Variants in FLRT2 observed in about 807,000 individuals in gnomAD.
FLRT2 encodes leucine-rich repeat transmembrane protein FLRT2.
A neutral mutation model predicts 40.0 loss-of-function variants in FLRT2; 15 were observed. The ratio of observed to expected loss-of-function variants is 0.38; its 90% CI spans 0.25 to 0.58. The LOEUF (loss-of-function observed/expected upper bound fraction) is 0.58, where lower values mean the gene tolerates loss of function less well. Among genes scored for constraint, FLRT2 ranks in the 20% least tolerant of loss-of-function variants. FLRT2 has a pLI of 0.71. For missense variants in FLRT2, 726 were observed against 840.0 expected (o/e 0.86, Z 1.68); for synonymous variants, 380 against 336.8 (o/e 1.13, Z -1.41).
At chr14:85,563,991 G>A (rs1890497064) in intron 1 of FLRT2, among the ~76,000 whole-genome samples, 1 of 152,122 alleles carries the variant, frequency 6.6e-6, no homozygotes, top group Non-Finnish European at 1.5e-5. Context: ...GTGTGAAAGG[G>A]CCCCTACATT....
Position 85,650,649 on chromosome 14 carries a change from T to C in FLRT2, c.*27152T>C, listed in dbSNP as rs921467100. 5.9e-5 allele frequency: 9 copies of C among 152,138 alleles called. No individual in the cohort carries two copies. Among genetic ancestry groups the C allele is most frequent in the African/African-American group, 2.2e-4 (9 of 41,454 alleles). 9.4% of individuals were successfully genotyped at this position (152,138 alleles called of 1,614,324 possible). A position where few individuals can be genotyped will look rare whatever the true frequency, so the allele number is the denominator to read the frequency against. On this transcript the variant is annotated 3_prime_UTR_variant, in exon 2 of 2. Coordinates refer to ENST00000330753, the MANE Select transcript of FLRT2 (RefSeq NM_013231.6). ...CTATTGCAAAACATTTAAGTATTTA[T>C]GTTTGTGATAAAAATGGAGTCTTAT...
rs1893937856 is a variant in FLRT2 at position 85,633,742 on chromosome 14, T to C, written c.*10245T>C. 6.6e-6 allele frequency: 1 copy of C among 151,456 alleles called. No individual in the cohort carries two copies. The highest frequency in any genetic ancestry group is 2.4e-5 in the African/African-American group (1 of 41,196). 9.4% of individuals were successfully genotyped at this position (151,456 alleles called of 1,614,324 possible). A position where few individuals can be genotyped will look rare whatever the true frequency, so the allele number is the denominator to read the frequency against. ...TTGAGCCCAGGAGATCAAGATTACATTGAGCTCTGATTGTGCCACTGCACT... is the reference window on the plus strand; with the variant it reads ...TTGAGCCCAGGAGATCAAGATTACACTGAGCTCTGATTGTGCCACTGCACT... On this transcript the variant is annotated 3_prime_UTR_variant, in exon 2 of 2. Coordinates refer to ENST00000330753, the MANE Select transcript of FLRT2 (RefSeq NM_013231.6).
rs79813376 is a variant in FLRT2 at position 85,541,682 on chromosome 14, G to A, written c.-377+11148G>A. Among the ~76,000 whole-genome samples the A allele has an allele frequency of 3.1e-3, 475 of 152,280 alleles. 7 individuals carry two copies. The East Asian group carries it at 0.05, about 16-fold the overall frequency. ...GTCCTTCTGTCTCCAAAATGATAAT[G>A]ATTTCATTGTCTTACCATTACCTTC... On this transcript the variant is annotated intron_variant, in intron 1 of 1. Transcript: ENST00000330753.
Position 85,622,237 on chromosome 14 carries a change from G to A in FLRT2, c.723G>A (p.Ser241=), listed in dbSNP as rs145351543. The A allele has an allele frequency of 1.3e-3, 2,092 of 1,614,040 alleles. 2 individuals carry two copies. The highest frequency in any genetic ancestry group is 1.6e-3 in the Non-Finnish European group (1,947 of 1,180,010). The change falls in exon 2 of 2, where the codon TCG becomes TCA. Residue 241 remains serine, a synonymous_variant. Transcript: ENST00000330753. ...KLKEFSIVRN[S]LSHPPPDLPG... The stretch of plus-strand genomic sequence containing the variant: ...AGGAATTTTCAATTGTACGTAATTC[G>A]CTGTCCCACCCTCCTCCCGATCTCC...
At chr14:85,590,877 C>T (rs1043410449) in intron 1 of FLRT2, among the ~76,000 whole-genome samples, 1 of 152,140 alleles carries the variant, frequency 6.6e-6, no homozygotes, top group African/African-American at 2.4e-5. Context: ...GGATTACAGG[C>T]TTGAGCCATA....
intron 1 of FLRT2, among the ~76,000 whole-genome samples, chr14:85,600,617 A>C (rs182665458): frequency 9.5e-4 from 145 of 152,312 alleles, no homozygotes; most frequent in African/African-American, 3.2e-3. Context: ...AAATTGAAAG[A>C]GACCATTAGA....
intron 1 of FLRT2, among the ~76,000 whole-genome samples, chr14:85,533,277 T>G (rs1888402914): frequency 7.1e-6 from 1 of 140,276 alleles, no homozygotes; most frequent in African/African-American, 2.5e-5. Context: ...TGTAAACATA[T>G]CCGGGGGTGT....
intron 1 of FLRT2, among the ~76,000 whole-genome samples, chr14:85,556,466 G>T (rs1046409797): frequency 2.0e-5 from 3 of 152,198 alleles, no homozygotes; most frequent in Admixed American, 2.0e-4. Flanking sequence ...ACATGTTTCT[G>T]GGAGAGAAGC....
chr14:85,636,722 A>T lies in FLRT2; in HGVS notation c.*13225A>T, dbSNP rs562369620. 3.3e-5 allele frequency: 5 copies of T among 152,074 alleles called. No homozygotes were observed. The East Asian group carries it at 9.7e-4, about 29-fold the overall frequency. The allele number at this position is 152,074 out of a possible 1,614,324, so 9.4% of individuals were successfully genotyped here. A position where few individuals can be genotyped will look rare whatever the true frequency, so the allele number is the denominator to read the frequency against. On this transcript the variant is annotated 3_prime_UTR_variant, in exon 2 of 2. Coordinates refer to ENST00000330753, the MANE Select transcript of FLRT2 (RefSeq NM_013231.6). ...GGTGAATTATTTATTTGAGGTCAGG[A>T]GTTTGAGACTAGCTTGGCCAACATG...
At chr14:85,600,424 G>C (rs1892333900) in intron 1 of FLRT2, among the ~76,000 whole-genome samples, 1 of 152,256 alleles carries the variant, frequency 6.6e-6, no homozygotes, top group South Asian at 2.1e-4. Flanking sequence ...GTGTACTGAG[G>C]AAGAGGTGCT....
In FLRT2 at chr14:85,624,377, A is replaced by C. The variant is rs1420039550; in HGVS notation, c.*880A>C. ...ATACTTTTTTAGAAGAGGCTAATAAAGGGAAGAATTATATTGAATGGAATT... is the reference window on the plus strand; with the variant it reads ...ATACTTTTTTAGAAGAGGCTAATAACGGGAAGAATTATATTGAATGGAATT... On this transcript the variant is annotated 3_prime_UTR_variant, in exon 2 of 2. Coordinates refer to ENST00000330753, the MANE Select transcript of FLRT2 (RefSeq NM_013231.6). The C allele has an allele frequency of 6.0e-6, 1 of 167,078 alleles. No individual in the cohort carries two copies. The highest frequency in any genetic ancestry group is 2.4e-5 in the African/African-American group (1 of 41,468). The allele number at this position is 167,078 out of a possible 1,614,324, so 10.3% of individuals were successfully genotyped here.
chr14:85,628,936 G>A lies in FLRT2; in HGVS notation c.*5439G>A, dbSNP rs1688525398. ...TCCAAACACTAGGCTGAGTTCAGAG[G>A]CCTCACAGAATAGTGAAATGCGTTC... On this transcript the variant is annotated 3_prime_UTR_variant, in exon 2 of 2. Coordinates refer to ENST00000330753, the MANE Select transcript of FLRT2 (RefSeq NM_013231.6). The A allele has an allele frequency of 1.3e-5, 2 of 152,120 alleles. No individual in the cohort carries two copies. Among genetic ancestry groups the A allele is most frequent in the Admixed American group, 1.3e-4 (2 of 15,266 alleles). 9.4% of individuals were successfully genotyped at this position (152,120 alleles called of 1,614,324 possible).
chr14:85,588,422 T>A (rs550853875), intron 1 of FLRT2, among the ~76,000 whole-genome samples: 10 of 151,760 alleles, frequency 6.6e-5, no homozygotes, highest in Non-Finnish European at 1.3e-4. Context: ...CTTCTAGAAA[T>A]TAAATGACTT....
At chr14:85,611,813 G>C (rs1453302493) in intron 1 of FLRT2, among the ~76,000 whole-genome samples, 1 of 151,982 alleles carries the variant, frequency 6.6e-6, no homozygotes, top group Admixed American at 6.6e-5. Context: ...TTGAAGATTG[G>C]AACTTTTTTC....
At chr14:85,613,160 T>C (rs145138472) in intron 1 of FLRT2, among the ~76,000 whole-genome samples, 1,970 of 152,124 alleles carry the variant, frequency 0.013, 23 homozygotes, top group Non-Finnish European at 0.019. Flanking sequence ...AATATATTGT[T>C]ATTATATAAG....
At chr14:85,531,474 C>A (rs989064858) in intron 1 of FLRT2, among the ~76,000 whole-genome samples, 2 of 152,076 alleles carry the variant, frequency 1.3e-5, no homozygotes, top group African/African-American at 4.8e-5. Flanking sequence ...AGCCCAAGAT[C>A]AAGGTTGCAA....
At chr14:85,608,626 C>A (rs1048473260) in intron 1 of FLRT2, among the ~76,000 whole-genome samples, 2 of 152,132 alleles carry the variant, frequency 1.3e-5, no homozygotes, top group African/African-American at 4.8e-5. Context: ...GTAACTCTAG[C>A]AATATTCGTG....
At chr14:85,619,971 A>C (rs1893308242) in intron 1 of FLRT2, among the ~76,000 whole-genome samples, 1 of 152,206 alleles carries the variant, frequency 6.6e-6, no homozygotes, top group South Asian at 2.1e-4. Flanking sequence ...TTGAAAAATA[A>C]TTTACCCCTA....
intron 1 of FLRT2, among the ~76,000 whole-genome samples, chr14:85,588,946 G>A (rs1464645640): frequency 6.6e-6 from 1 of 152,106 alleles, no homozygotes. Context: ...ATGGGTGATA[G>A]GATCTCATTC....
Sources: allele counts gnomAD v4.1 joint callset (sites outside exome capture counted in the v4.1 genomes callset), GRCh38; gene constraint gnomAD v4.1.1; transcripts MANE v1.5; gene names NCBI Gene and HGNC (gene_info 2026-07-23, HGNC 2026-07-21).